The following GRID1 variants were observed in gnomAD, a reference collection of about 807,000 sequenced individuals.
GRID1 encodes glutamate ionotropic receptor delta type subunit 1, also known as glutamate receptor ionotropic, delta-1.
Under a neutral mutation model 98.0 loss-of-function variants are expected in GRID1, and 28 were observed. That is an observed-to-expected ratio of 0.29 (90% CI 0.21 to 0.39). The LOEUF is 0.39. GRID1 is among the 10% of genes least tolerant of loss of function. The pLI, the probability that GRID1 is intolerant of heterozygous loss-of-function variation, is 1.00. For missense variants in GRID1, 1,111 were observed against 1,340.5 expected (o/e 0.83, Z 2.67); for synonymous variants, 553 against 538.5 (o/e 1.03, Z -0.37).
At position 86,206,527 on chromosome 10, in the gene GRID1, G is replaced by A; in HGVS notation, c.357C>T (p.Asn119=). ...ATGCGGTGCGTGGCGACCCTCCCGG[G>A]TTGCGCTGGACAAAGAGGTGTGGGA... ...MHIPHLFVQR[N]PGGSPRTACH... is the part of the protein sequence containing the mutation. The change falls in exon 3 of 16, where the codon AAC becomes AAT. Residue 119 remains asparagine, a synonymous_variant. Coordinates refer to ENST00000327946, the MANE Select transcript of GRID1 (RefSeq NM_017551.3). This position sits in a 1 kb window ranked among gnomAD's most constrained non-coding sequence, Gnocchi z 4.1. The A allele has an allele frequency of 1.2e-6, 2 of 1,614,238 alleles. No homozygotes were observed. The highest frequency in any genetic ancestry group is 1.1e-5 in the South Asian group (1 of 91,084).
At chr10:86,301,229 C>A (rs1243623552) in intron 2 of GRID1, among the ~76,000 whole-genome samples, 1 of 152,194 alleles carries the variant, frequency 6.6e-6, no homozygotes, top group Non-Finnish European at 1.5e-5. Context: ...TCACCTTGGA[C>A]CTGCTGCTGG....
chr10:86,189,485 T>A (rs916461673), intron 3 of GRID1, among the ~76,000 whole-genome samples: 2 of 151,458 alleles, frequency 1.3e-5, no homozygotes, highest in Non-Finnish European at 2.9e-5. Context: ...TTCCCCAGCA[T>A]CCCTACCCTC....
chr10:85,778,759 G>C (rs1842355796), intron 8 of GRID1, among the ~76,000 whole-genome samples: 1 of 152,196 alleles, frequency 6.6e-6, no homozygotes, highest in African/African-American at 2.4e-5. Flanking sequence ...TTCTGAGCCA[G>C]CTTCCTGAAC....
chr10:86,272,420 C>T (rs1168383635), intron 2 of GRID1, among the ~76,000 whole-genome samples: 1 of 152,170 alleles, frequency 6.6e-6, no homozygotes, highest in South Asian at 2.1e-4. Context: ...ATCCCTCCCC[C>T]AGCATGATGT....
At chr10:86,142,274 G>A (rs186076920) in intron 3 of GRID1, among the ~76,000 whole-genome samples, 9 of 152,346 alleles carry the variant, frequency 5.9e-5, no homozygotes, top group Non-Finnish European at 1.3e-4. Flanking sequence ...GTTTTGGGAC[G>A]GTTTGTTTCC....
chr10:86,138,794 G>A, intron 4 of GRID1, 25 bp downstream of exon 4: 1 of 1,592,084 alleles, frequency 6.3e-7, no homozygotes, highest in Non-Finnish European at 8.6e-7. Context: ...CCAGGCCCCT[G>A]AGGCCTCAGG....
chr10:85,663,529 T>C (rs892307845), intron 12 of GRID1, among the ~76,000 whole-genome samples: 26 of 152,200 alleles, frequency 1.7e-4, no homozygotes, highest in Non-Finnish European at 3.1e-4. Flanking sequence ...TGACACTTTG[T>C]TCACAGTACC....
At chr10:85,615,932 G>A (rs1360005016) in intron 14 of GRID1, among the ~76,000 whole-genome samples, 1 of 152,172 alleles carries the variant, frequency 6.6e-6, no homozygotes, top group East Asian at 1.9e-4. Context: ...CGTGTTCATG[G>A]ATATCCATTC....
intron 3 of GRID1, among the ~76,000 whole-genome samples, chr10:86,203,816 A>T (rs1845988509): frequency 6.6e-6 from 1 of 152,018 alleles, no homozygotes; most frequent in African/African-American, 2.4e-5. Flanking sequence ...GGTCTCTGCC[A>T]ATCCCTCTCT....
intron 8 of GRID1, among the ~76,000 whole-genome samples, chr10:85,775,889 C>T (rs1426977420): frequency 6.6e-6 from 1 of 152,020 alleles, no homozygotes; most frequent in African/African-American, 2.4e-5. Context: ...GGGAGCAGGA[C>T]TTTCACTATA....
intron 4 of GRID1, among the ~76,000 whole-genome samples, chr10:86,003,705 C>T (rs189736345): frequency 1.3e-5 from 2 of 152,316 alleles, no homozygotes; most frequent in East Asian, 3.9e-4. Context: ...CAATGGGTAC[C>T]TAAGAAGATA....
At chr10:86,137,770 AT>A (rs1362457136) in intron 4 of GRID1, among the ~76,000 whole-genome samples, 2 of 152,168 alleles carry the variant, frequency 1.3e-5, no homozygotes, top group African/African-American at 4.8e-5. Flanking sequence ...AGCAGAGAGC[AT>A]CAGGGCTGCC....
At chr10:85,824,915 T>A (rs1000332938) in intron 8 of GRID1, among the ~76,000 whole-genome samples, 1 of 152,194 alleles carries the variant, frequency 6.6e-6, no homozygotes, top group African/African-American at 2.4e-5. Context: ...TGCCACACTA[T>A]ATATATACCA....
At chr10:86,008,889 C>G (rs1239160693) in intron 4 of GRID1, among the ~76,000 whole-genome samples, 1 of 152,150 alleles carries the variant, frequency 6.6e-6, no homozygotes, top group East Asian at 1.9e-4. Flanking sequence ...AACTCTTGCA[C>G]ATGTACAGCA....
At chr10:86,037,058 G>T (rs1159825348) in intron 4 of GRID1, among the ~76,000 whole-genome samples, 1 of 152,200 alleles carries the variant, frequency 6.6e-6, no homozygotes, top group Non-Finnish European at 1.5e-5. Context: ...AGGTACTTAT[G>T]CAATCAGAGT....
chr10:85,837,677 A>G (rs1229502347), intron 8 of GRID1, among the ~76,000 whole-genome samples: 2 of 152,064 alleles, frequency 1.3e-5, no homozygotes, highest in Non-Finnish European at 2.9e-5. Context: ...AACCTCAAAG[A>G]TTGAAGTTAG....
intron 4 of GRID1, among the ~76,000 whole-genome samples, chr10:85,970,684 T>G (rs567763706): frequency 2.6e-4 from 40 of 152,186 alleles, no homozygotes; most frequent in South Asian, 2.1e-4. Flanking sequence ...TCCTTCAACC[T>G]GATAAAGGAC....
intron 8 of GRID1, among the ~76,000 whole-genome samples, chr10:85,778,209 A>G (rs1286818920): frequency 6.6e-6 from 1 of 152,140 alleles, no homozygotes. Context: ...CAGCTGTGAG[A>G]GCTCAGGGGC....
intron 13 of GRID1, among the ~76,000 whole-genome samples, chr10:85,635,224 C>A (rs1843024579): frequency 6.6e-6 from 1 of 152,060 alleles, no homozygotes; most frequent in Admixed American, 6.5e-5. Flanking sequence ...AAACCCAAAG[C>A]AGAATAATTT....
Sources: gnomAD v4.1 joint callset for allele counts (sites outside exome capture counted in the v4.1 genomes callset) on GRCh38, gnomAD v4.1.1 for gene constraint, Gnocchi (gnomAD v3.1) non-coding constraint, MANE v1.5 for transcripts, NCBI Gene and HGNC (gene_info 2026-07-23, HGNC 2026-07-21) for gene names.